Variants in CNGB1 observed in about 807,000 individuals in gnomAD.
The protein encoded by CNGB1 is cyclic nucleotide gated channel subunit beta 1, also known as cyclic nucleotide-gated channel beta-1.
In CNGB1, 126 loss-of-function variants were observed where a neutral mutation model predicts 151.7. The observed-to-expected ratio is 0.83, with a 90% CI of 0.72 to 0.96. The LOEUF (loss-of-function observed/expected upper bound fraction) is 0.96, where lower values mean the gene tolerates loss of function less well. Ranked by LOEUF, CNGB1 falls within the 40% of genes least tolerant of loss-of-function variation. CNGB1 has a pLI of 0.00. For missense variants in CNGB1, 1,698 were observed against 1,627.0 expected (o/e 1.04, Z -0.75); for synonymous variants, 623 against 635.1 (o/e 0.98, Z 0.29).
At chr16:57,970,096 GAGAGGCT>G (rs1962501412) in intron 1 of CNGB1, among the ~76,000 whole-genome samples, 1 of 152,136 alleles carries the variant, frequency 6.6e-6, no homozygotes, top group Non-Finnish European at 1.5e-5. Flanking sequence ...CCTCTCCCAC[GAGAGGCT>G]GTGGTGGGAA....
At chr16:57,966,011 C>A (rs1962391292) in intron 2 of CNGB1, among the ~76,000 whole-genome samples, 1 of 152,094 alleles carries the variant, frequency 6.6e-6, no homozygotes, top group African/African-American at 2.4e-5. Context: ...CTAAACACAC[C>A]CTGCCCTTCT....
chr16:57,962,938 C>G lies in CNGB1; in HGVS notation c.381+36G>C, dbSNP rs797002125. 1.9e-6 allele frequency: 3 copies of G among 1,612,426 alleles called. No individual in the cohort carries two copies. The African/African-American group carries it at 4.0e-5, about 21-fold the overall frequency. On this transcript the variant is annotated intron_variant, in intron 5 of 32. Coordinates refer to ENST00000251102, the MANE Select transcript of CNGB1 (RefSeq NM_001297.5). The stretch of plus-strand genomic sequence containing the variant: ...GGGCAGCCTCCCCACAGCCCCTCTC[C>G]AACCCGGCCCCTTCAGCCTCCAGCC...
chr16:57,964,576 T>C (rs1361254110), intron 2 of CNGB1, 32 bp from the exon 3 acceptor site: 3 of 1,612,974 alleles, frequency 1.9e-6, no homozygotes, highest in Non-Finnish European at 2.5e-6. Flanking sequence ...ATGTAAGTCC[T>C]AGGTGAGACC....
intron 17 of CNGB1, among the ~76,000 whole-genome samples, chr16:57,927,996 G>C (rs1961239893): frequency 6.6e-6 from 1 of 152,202 alleles, no homozygotes; most frequent in African/African-American, 2.4e-5. Flanking sequence ...CACTCTGACA[G>C]CCTTCTGACC....
At chr16:57,919,385 C>T in intron 19 of CNGB1, 131 bp from the exon 20 acceptor site, 2 of 1,544,450 alleles carry the variant, frequency 1.3e-6, no homozygotes, top group Non-Finnish European at 1.8e-6. Context: ...CAAGCTACTG[C>T]AAGCTCTGTG....
intron 26 of CNGB1, 45 bp downstream of exon 26, chr16:57,904,689 C>A (rs369945015): frequency 1.9e-6 from 3 of 1,612,960 alleles, no homozygotes; most frequent in Non-Finnish European, 2.5e-6. Context: ...TGGGAGGGGG[C>A]CCTGCAGTCA....
intron 17 of CNGB1, among the ~76,000 whole-genome samples, 172 bp downstream of exon 17, chr16:57,931,544 C>A (rs1485970371): frequency 1.3e-5 from 2 of 152,128 alleles, no homozygotes; most frequent in Admixed American, 1.3e-4. Context: ...TATAAGAGAC[C>A]TAATTCAGGA....
At chr16:57,922,115 C>A (rs1447120944) in intron 18 of CNGB1, among the ~76,000 whole-genome samples, 1 of 152,184 alleles carries the variant, frequency 6.6e-6, no homozygotes, top group Non-Finnish European at 1.5e-5. Context: ...GGGGTTGGGG[C>A]TTCTTCTTGC....
chr16:57,930,561 G>A (rs1238580103), intron 17 of CNGB1, among the ~76,000 whole-genome samples: 1 of 117,958 alleles, frequency 8.5e-6, no homozygotes, highest in Non-Finnish European at 1.7e-5. Flanking sequence ...AGAGGGGAAG[G>A]AGGAGGGGAA....
intron 31 of CNGB1, among the ~76,000 whole-genome samples, chr16:57,891,288 T>G (rs1244799221): frequency 1.3e-5 from 2 of 152,168 alleles, no homozygotes; most frequent in Non-Finnish European, 2.9e-5. Flanking sequence ...GAAACATTGT[T>G]CCTAGGGGAA....
intron 7 of CNGB1, among the ~76,000 whole-genome samples, chr16:57,961,669 A>AAT (rs78538780): frequency 2.6e-5 from 4 of 150,966 alleles, no homozygotes; most frequent in East Asian, 3.9e-4. Flanking sequence ...TGAATGAATG[A>AAT]GTGAATGAAG....
intron 31 of CNGB1, 64 bp downstream of exon 31, chr16:57,897,332 TG>T: frequency 7.0e-7 from 1 of 1,429,626 alleles, no homozygotes; most frequent in Non-Finnish European, 9.8e-7. Context: ...AAAGGTACTG[TG>T]GTTATGTAAG....
At position 57,931,814 on chromosome 16, in the gene CNGB1, G is replaced by A. The variant is rs1255203582; in HGVS notation, c.1437C>T (p.Leu479=). ...TTGAGGGTGGATTCTCTTCTGCCATGAGGGGGCAGCTATCAGCATCAGTAT... is the reference window on the plus strand; with the variant it reads ...TTGAGGGTGGATTCTCTTCTGCCATAAGGGGGCAGCTATCAGCATCAGTAT... ...VEDTDADSCP[L]MAEENPPSTV... is the part of the protein sequence containing the mutation. The change falls in exon 17 of 33, where the codon CTC becomes CTT. Residue 479 remains leucine (L), a synonymous_variant. Coordinates refer to ENST00000251102, the MANE Select transcript of CNGB1 (RefSeq NM_001297.5). 2.5e-6 allele frequency: 4 copies of A among 1,614,078 alleles called. No individual in the cohort carries two copies. Among genetic ancestry groups the A allele is most frequent in the African/African-American group, 1.3e-5 (1 of 74,930 alleles).
Position 57,940,339 on chromosome 16 carries a change from GTGGGGAGGATAAAAGGAC to G in CNGB1, c.1122-36_1122-19del, listed in dbSNP as rs2149376643. The G allele has an allele frequency of 1.3e-6, 2 of 1,562,750 alleles. No homozygotes were observed. Among genetic ancestry groups the G allele is most frequent in the Non-Finnish European group, 1.7e-6 (2 of 1,153,112 alleles). On this transcript the variant is annotated intron_variant, in intron 14 of 32. Coordinates refer to ENST00000251102, the MANE Select transcript of CNGB1 (RefSeq NM_001297.5). The stretch of plus-strand genomic sequence containing the variant: ...GCAGCACCCTGTGACCCGGGGCGGG[GTGGGGAGGATAAAAGGAC>G]TGGGTTAGGGTGTTAAAGGTTTCCC...
intron 16 of CNGB1, among the ~76,000 whole-genome samples, chr16:57,933,504 A>C (rs1961416059): frequency 6.6e-6 from 1 of 152,110 alleles, no homozygotes; most frequent in Admixed American, 6.6e-5. Context: ...CAGGGACTGC[A>C]GGGACAGGTC....
Position 57,950,311 on chromosome 16 carries a change from A to G in CNGB1, c.1034+70T>C, listed in dbSNP as rs1961915232. The G allele has an allele frequency of 1.8e-5, 29 of 1,576,716 alleles. 2 individuals are homozygous for G. The South Asian group carries it at 3.2e-4, about 18-fold the overall frequency. ...TGCTCTGTGCCTTTTCATCTTTGAG[A>G]TAAGGTACTGCATGCTTGGCACTTT... On this transcript the variant is annotated intron_variant, in intron 13 of 32. Transcript: ENST00000251102.
intron 14 of CNGB1, among the ~76,000 whole-genome samples, chr16:57,948,787 C>T (rs1359733246): frequency 6.6e-6 from 1 of 152,170 alleles, no homozygotes; most frequent in Non-Finnish European, 1.5e-5. Context: ...ATAGTGTTTC[C>T]TGATCTCCAG....
chr16:57,952,987 G>T (rs1961993199), intron 12 of CNGB1, among the ~76,000 whole-genome samples: 2 of 152,182 alleles, frequency 1.3e-5, no homozygotes. Flanking sequence ...TGGTGCAGGA[G>T]CCCCTGGCCC....
At chr16:57,942,143 A>C (rs1387807635) in intron 14 of CNGB1, among the ~76,000 whole-genome samples, 1 of 152,166 alleles carries the variant, frequency 6.6e-6, no homozygotes, top group African/African-American at 2.4e-5. Context: ...TGGTCTCCCA[A>C]AGTGCTAGGA....
Sources: allele counts gnomAD v4.1 joint callset (sites outside exome capture counted in the v4.1 genomes callset), GRCh38; gene constraint gnomAD v4.1.1; transcripts MANE v1.5; gene names NCBI Gene and HGNC (gene_info 2026-07-23, HGNC 2026-07-21).